Variants in PDLIM4 observed in about 807,000 individuals in gnomAD.
The protein encoded by PDLIM4 is PDZ and LIM domain 4.
Under a neutral mutation model 31.3 loss-of-function variants are expected in PDLIM4, and 19 were observed. The observed-to-expected ratio is 0.61, with a 90% CI of 0.42 to 0.89. The LOEUF (loss-of-function observed/expected upper bound fraction) is 0.89. Among genes scored for constraint, PDLIM4 ranks in the 40% least tolerant of loss-of-function variants. The pLI, the probability that PDLIM4 is intolerant of heterozygous loss-of-function variation, is 0.00. For synonymous variants in PDLIM4, 176 were observed against 190.1 expected, an observed-to-expected ratio of 0.93 and a Z score of 0.61; for missense variants, 442 against 461.1, an observed-to-expected ratio of 0.96 and a Z score of 0.38.
chr5:132,266,191 A>G (rs934933853), intron 2 of PDLIM4, among the ~76,000 whole-genome samples: 1 of 152,224 alleles, frequency 6.6e-6, no homozygotes, highest in African/African-American at 2.4e-5. Flanking sequence ...TAGGGAAGAC[A>G]CAGGGCTTCT....
chr5:132,262,584 A>G, intron 1 of PDLIM4, 25 bp from the exon 2 acceptor site: 1 of 1,583,590 alleles, frequency 6.3e-7, no homozygotes, highest in East Asian at 2.3e-5. Context: ...GACTGTGCCC[A>G]GCCATCTGGC....
At chr5:132,268,063 C>T (rs999957391) in intron 3 of PDLIM4, among the ~76,000 whole-genome samples, 21 of 152,038 alleles carry the variant, frequency 1.4e-4, no homozygotes, top group African/African-American at 4.6e-4. Context: ...GGCTCAGGGC[C>T]GGTGGGCCTG....
chr5:132,269,063 A>G (rs1253970940), intron 3 of PDLIM4, among the ~76,000 whole-genome samples: 3 of 152,142 alleles, frequency 2.0e-5, no homozygotes, highest in Non-Finnish European at 2.9e-5. Context: ...CACATTCCCC[A>G]GCTCATAGAT....
intron 1 of PDLIM4, among the ~76,000 whole-genome samples, chr5:132,262,278 A>G (rs529995439): frequency 2.0e-5 from 3 of 152,256 alleles, no homozygotes; most frequent in African/African-American, 7.2e-5. Context: ...GTGAGCACCT[A>G]TGTCTCCATG....
intron 2 of PDLIM4, among the ~76,000 whole-genome samples, chr5:132,265,556 G>A (rs1756473497): frequency 6.6e-6 from 1 of 152,216 alleles, no homozygotes; most frequent in African/African-American, 2.4e-5. Context: ...TGCAGAGTGA[G>A]TATGGACCAT....
Position 132,271,421 on chromosome 5 carries a change from G to T in PDLIM4, c.625G>T (p.Gly209Cys). The T allele has an allele frequency of 1.2e-6, 2 of 1,609,104 alleles. No homozygotes were observed. The highest frequency in any genetic ancestry group is 1.7e-6 in the Non-Finnish European group (2 of 1,179,920). ...CGTGGCCGCGGAGCCCAAGCAGTCA[G>T]GCTCCTTCCGCTACTTGCAGGGCAT... ...EPVAAEPKQS[G>C]SFRYLQGMLE... is the part of the protein sequence containing the mutation. Residue 209 changes from glycine (G) to cysteine (C), a missense_variant, in exon 5 of 7, where the codon GGC becomes TGC. By Grantham distance (159) the Gly-to-Cys change is radical. Transcript: ENST00000253754.
intron 3 of PDLIM4, chr5:132,270,583 G>A (rs1045561393): frequency 1.3e-5 from 5 of 374,384 alleles, no homozygotes; most frequent in African/African-American, 1.0e-4. Flanking sequence ...GGCTTCTTGG[G>A]ATAGGCCTGC....
intron 2 of PDLIM4, among the ~76,000 whole-genome samples, chr5:132,264,749 T>G (rs1035929643): frequency 5.4e-5 from 8 of 148,972 alleles, no homozygotes; most frequent in African/African-American, 1.7e-4. Context: ...CCAACGACAC[T>G]CCTCCCCGCC....
intron 1 of PDLIM4, among the ~76,000 whole-genome samples, chr5:132,261,214 T>C (rs1756366265): frequency 6.6e-6 from 1 of 152,140 alleles, no homozygotes; most frequent in South Asian, 2.1e-4. Flanking sequence ...GCCAAGTGGG[T>C]GTCTCCCCCA....
intron 3 of PDLIM4, among the ~76,000 whole-genome samples, chr5:132,268,236 A>G (rs1006372736): frequency 6.6e-6 from 1 of 152,190 alleles, no homozygotes; most frequent in African/African-American, 2.4e-5. Flanking sequence ...TTAAAAGGTC[A>G]TGGGCTCCAT....
chr5:132,266,630 T>C (rs1331935970), intron 3 of PDLIM4, 85 bp downstream of exon 3: 2 of 828,224 alleles, frequency 2.4e-6, no homozygotes, highest in Non-Finnish European at 3.9e-6. Context: ...CTGCACTGAA[T>C]GTCCTCACTG....
Position 132,271,058 on chromosome 5 carries a change from C to G in PDLIM4, c.471C>G (p.Ala157=). Residue 157 remains alanine (A), a synonymous_variant, in exon 4 of 7, where the codon GCC becomes GCG. Transcript: ENST00000253754. ...GCAGCAGCGAGGCCACCCTGCCAGC[C>G]CAGATGAGCACCCTGCATGTGTCTC... ...HNGSSEATLP[A]QMSTLHVSPP... is the part of the protein sequence containing the mutation. The G allele has an allele frequency of 1.2e-6, 2 of 1,614,112 alleles. No individual in the cohort carries two copies. Among genetic ancestry groups the G allele is most frequent in the East Asian group, 2.2e-5 (1 of 44,886 alleles).
chr5:132,272,446 CG>C lies in PDLIM4; in HGVS notation c.*220del. 1 of 585,112 alleles carries C rather than the reference CG, an allele frequency of 1.7e-6. No homozygotes were observed. The highest frequency in any genetic ancestry group is 3.1e-6 in the Non-Finnish European group (1 of 325,298). 36.2% of individuals were successfully genotyped at this position (585,112 alleles called of 1,614,324 possible). A position where few individuals can be genotyped will look rare whatever the true frequency, so the allele number is the denominator to read the frequency against. On this transcript the variant is annotated 3_prime_UTR_variant, in exon 7 of 7. Coordinates refer to ENST00000253754, the MANE Select transcript of PDLIM4 (RefSeq NM_003687.4). ...GCTCTGGGTGCAGTAGTGAGCAGGACGGGTACCATGCTGCCCTGAAGGGGGC... is the reference window on the plus strand; with the variant it reads ...GCTCTGGGTGCAGTAGTGAGCAGGACGGTACCATGCTGCCCTGAAGGGGGC...
intron 1 of PDLIM4, among the ~76,000 whole-genome samples, chr5:132,262,056 G>A (rs189562276): frequency 6.6e-6 from 1 of 152,286 alleles, no homozygotes; most frequent in East Asian, 1.9e-4. Context: ...AAGTGTAGAG[G>A]TGAGTGATAT....
rs1423740644 is a variant in PDLIM4, at chr5:132,257,784, T to C, written c.50T>C (p.Leu17Pro). The C allele has an allele frequency of 2.0e-6, 3 of 1,506,386 alleles. No homozygotes were observed. The highest frequency in any genetic ancestry group is 2.6e-6 in the Non-Finnish European group (3 of 1,132,370). 93.3% of individuals were successfully genotyped at this position (1,506,386 alleles called of 1,614,324 possible). A position where few individuals can be genotyped will look rare whatever the true frequency, so the allele number is the denominator to read the frequency against. The change falls in exon 1 of 7, where the codon CTG (leucine) becomes CCG (proline). Residue 17 changes from leucine to proline, a missense_variant. Physicochemically the swap from Leu to Pro is moderately conservative, Grantham distance 98. Transcript: ENST00000253754. This position sits in a 1 kb window ranked among gnomAD's most constrained non-coding sequence, Gnocchi z 4.3. ...LRGPSPWGFR[L>P]VGGRDFSAPL... ...GGGCCTTCGCCCTGGGGCTTCCGCC[T>C]GGTGGGCGGCCGGGACTTCAGCGCG...
intron 1 of PDLIM4, among the ~76,000 whole-genome samples, chr5:132,262,170 A>G (rs1244728002): frequency 6.6e-6 from 1 of 152,190 alleles, no homozygotes; most frequent in East Asian, 1.9e-4. Context: ...AGGCAAGGTC[A>G]CTAAGGGTTT....
At chr5:132,263,721 A>T (rs1015586570) in intron 2 of PDLIM4, among the ~76,000 whole-genome samples, 3 of 152,182 alleles carry the variant, frequency 2.0e-5, no homozygotes, top group Admixed American at 6.5e-5. Flanking sequence ...GCCTCCCCAA[A>T]CCACAACACA....
In PDLIM4 at chr5:132,273,127, G is replaced by A. The variant is rs778303930; in HGVS notation, c.*898G>A. ...GTTTGCCTTGGGCCTTTCATGCCCCGGCTGCACACATCGTCTGTGAATTGT... is the reference window on the plus strand; with the variant it reads ...GTTTGCCTTGGGCCTTTCATGCCCCAGCTGCACACATCGTCTGTGAATTGT... On this transcript the variant is annotated 3_prime_UTR_variant, in exon 7 of 7. Coordinates refer to ENST00000253754, the MANE Select transcript of PDLIM4 (RefSeq NM_003687.4). 1.8e-4 allele frequency: 28 copies of A among 152,300 alleles called. No homozygotes were observed. The highest frequency in any genetic ancestry group is 1.0e-3 in the South Asian group (5 of 4,786). The allele number at this position is 152,300 out of a possible 1,614,324, so 9.4% of individuals were successfully genotyped here. A position where few individuals can be genotyped will look rare whatever the true frequency, so the allele number is the denominator to read the frequency against.
intron 2 of PDLIM4, among the ~76,000 whole-genome samples, chr5:132,264,226 C>G (rs1756441235): frequency 6.6e-6 from 1 of 152,104 alleles, no homozygotes; most frequent in East Asian, 1.9e-4. Context: ...GGTCCCCCTC[C>G]TTCTTTCCTT....
Sources: allele counts gnomAD v4.1 joint callset (sites outside exome capture counted in the v4.1 genomes callset), GRCh38; gene constraint gnomAD v4.1.1; non-coding constraint Gnocchi (gnomAD v3.1); transcripts MANE v1.5; gene names NCBI Gene and HGNC (gene_info 2026-07-23, HGNC 2026-07-21).